MED9: variants seen among roughly 807,000 people sequenced by gnomAD.
MED9 encodes the protein mediator of RNA polymerase II transcription subunit 9.
Under a neutral mutation model 13.2 loss-of-function variants are expected in MED9, and 8 were observed. That is an observed-to-expected ratio of 0.61 (90% CI 0.36 to 1.10). The LOEUF (loss-of-function observed/expected upper bound fraction) is 1.10, where lower values mean the gene tolerates loss of function less well. MED9 is among the 50% of genes least tolerant of loss of function. MED9 has a pLI of 0.02. For missense variants in MED9, 180 were observed against 193.4 expected, an observed-to-expected ratio of 0.93 and a Z score of 0.41; for synonymous variants, 87 against 82.8, an observed-to-expected ratio of 1.05 and a Z score of -0.28.
In MED9 at chr17:17,477,163, C is replaced by A; in HGVS notation, c.122C>A (p.Pro41His). The change falls in exon 1 of 2, where the codon CCT (proline) becomes CAT (histidine). Residue 41 changes from proline (P) to histidine (H), a missense_variant. By Grantham distance (77) the Pro-to-His change is moderately conservative. Coordinates refer to ENST00000268711, the MANE Select transcript of MED9 (RefSeq NM_018019.3). ...PPPQPPPVPA[P>H]QPQQSPAPRP... ...CCTCAGCCGCCGCCGGTCCCTGCGC[C>A]TCAACCGCAGCAGTCGCCGGCGCCA... 6.2e-7 allele frequency: 1 copy of A among 1,609,928 alleles called. No individual in the cohort carries two copies.
At position 17,491,747 on chromosome 17, in the gene MED9, TC is replaced by T. The variant is rs1905235511; in HGVS notation, c.*253del. 2.1e-6 allele frequency: 1 copy of T among 485,218 alleles called. No individual in the cohort carries two copies. Among genetic ancestry groups the T allele is most frequent in the South Asian group, 2.1e-5 (1 of 47,554 alleles). The allele number at this position is 485,218 out of a possible 1,614,324, so 30.1% of individuals were successfully genotyped here. On this transcript the variant is annotated 3_prime_UTR_variant, in exon 2 of 2. Transcript: ENST00000268711. The stretch of plus-strand genomic sequence containing the variant: ...TAACTGGAGTGCCTGCTGGTGGAAG[TC>T]AGAATGCTCCTGGAGGCTGCAGAGG...
chr17:17,488,850 AAG>A (rs1233167470), intron 1 of MED9, among the ~76,000 whole-genome samples: 1 of 152,112 alleles, frequency 6.6e-6, no homozygotes, highest in Non-Finnish European at 1.5e-5. Flanking sequence ...AAAAGAAAAA[AAG>A]AAACCACAGT....
rs1905270118 is a variant in MED9 at position 17,492,977 on chromosome 17, G to C, written c.*1482G>C. 6.6e-6 allele frequency: 1 copy of C among 152,222 alleles called. No homozygotes were observed. The highest frequency in any genetic ancestry group is 2.4e-5 in the African/African-American group (1 of 41,452). The allele number at this position is 152,222 out of a possible 1,614,324, so 9.4% of individuals were successfully genotyped here. On this transcript the variant is annotated 3_prime_UTR_variant, in exon 2 of 2. Transcript: ENST00000268711. ...TCTACCTTGGGACTGTTATTTAACT[G>C]AATCAGTTATTTCCTTGAAATTTCA... is the stretch of plus-strand genomic sequence containing the variant.
intron 1 of MED9, chr17:17,486,467 GC>G: frequency 6.5e-6 from 1 of 153,314 alleles, no homozygotes; most frequent in Non-Finnish European, 1.5e-5. Context: ...AGCTCTGCTG[GC>G]CCCGTGCAAT....
chr17:17,485,468 G>A (rs1310375886), intron 1 of MED9: 3 of 387,452 alleles, frequency 7.7e-6, no homozygotes, highest in East Asian at 7.3e-5. Context: ...AAGAGGGGAG[G>A]ACCTGGGTCC....
chr17:17,491,388 G>C lies in MED9; in HGVS notation c.334G>C (p.Glu112Gln). 1 of 1,614,018 alleles carries C rather than the reference G, an allele frequency of 6.2e-7. No individual in the cohort carries two copies. Among genetic ancestry groups the C allele is most frequent in the Non-Finnish European group, 8.5e-7 (1 of 1,180,042 alleles). ...STMPGIHLSP[E>Q]QQQQQLQSLR... ...CATGCCCGGCATCCACCTGAGCCCCGAACAGCAGCAGCAGCAGCTGCAGAG... is the reference window on the plus strand; with the variant it reads ...CATGCCCGGCATCCACCTGAGCCCCCAACAGCAGCAGCAGCAGCTGCAGAG... Residue 112 changes from glutamate (E) to glutamine (Q), a missense_variant, in exon 2 of 2, where the codon GAA becomes CAA. Transcript: ENST00000268711.
At chr17:17,477,414 C>G in intron 1 of MED9, 149 bp downstream of exon 1, 1 of 827,328 alleles carries the variant, frequency 1.2e-6, no homozygotes, top group Non-Finnish European at 1.8e-6. Context: ...AGGCCTTTCC[C>G]AAGACCACAG....
intron 1 of MED9, among the ~76,000 whole-genome samples, chr17:17,484,527 C>T (rs1242517): frequency 0.56 from 85,490 of 152,210 alleles, 26,912 homozygotes; most frequent in Non-Finnish European, 0.73. Flanking sequence ...GACCCGTTCC[C>T]GGGTTGTGCA....
chr17:17,488,129 C>G (rs8072971), intron 1 of MED9: 129,082 of 152,266 alleles, frequency 0.85, 55,097 homozygotes, highest in African/African-American at 0.9. Context: ...GAGTTAGTAC[C>G]GTGCGAGGAG....
Position 17,492,732 on chromosome 17 carries a change from AG to A in MED9, c.*1241del, listed in dbSNP as rs1329996920. On this transcript the variant is annotated 3_prime_UTR_variant, in exon 2 of 2. Transcript: ENST00000268711. ...GCGCATAACCTGCGCTGACCAGTTT[AG>A]GGGCTTAGCAGATGCCTGCCAGCTG... The A allele has an allele frequency of 1.3e-5, 2 of 152,308 alleles. No homozygotes were observed. Among genetic ancestry groups the A allele is most frequent in the Admixed American group, 1.3e-4 (2 of 15,290 alleles). 9.4% of individuals were successfully genotyped at this position (152,308 alleles called of 1,614,324 possible).
At chr17:17,485,336 C>T in intron 1 of MED9, 1 of 398,578 alleles carries the variant, frequency 2.5e-6, no homozygotes, top group Non-Finnish European at 4.4e-6. Flanking sequence ...CTGCTGACTT[C>T]AGCCTCCCAA....
intron 1 of MED9, among the ~76,000 whole-genome samples, chr17:17,480,896 G>A (rs1173028252): frequency 6.6e-6 from 1 of 152,214 alleles, no homozygotes; most frequent in Non-Finnish European, 1.5e-5. Context: ...GAGACCTCGT[G>A]AAGCCTGGGG....
In MED9 at chr17:17,483,963, G is replaced by A. The variant is rs2142472535; in HGVS notation, c.224+6698G>A. Reference sequence around the variant, plus strand: ...AAAAAAAAAAAAGAATGAGGAAAGGGAAAAGAAATCCCATTTTCATGCCTA... The same window carrying A: ...AAAAAAAAAAAAGAATGAGGAAAGGAAAAAGAAATCCCATTTTCATGCCTA... On this transcript the variant is annotated intron_variant, in intron 1 of 1. Transcript: ENST00000268711. This position sits in a 1 kb window ranked among gnomAD's most constrained non-coding sequence, Gnocchi z 4.2. 1.3e-5 allele frequency among the ~76,000 whole-genome samples: 2 copies of A among 151,976 alleles called. No individual in the cohort carries two copies. The highest frequency in any genetic ancestry group is 4.2e-4 in the South Asian group (2 of 4,806).
chr17:17,478,377 T>G (rs1296657662), intron 1 of MED9, among the ~76,000 whole-genome samples: 2 of 152,226 alleles, frequency 1.3e-5, no homozygotes, highest in Non-Finnish European at 2.9e-5. Flanking sequence ...CTTCACTGTT[T>G]TACTGAAATG....
intron 1 of MED9, among the ~76,000 whole-genome samples, chr17:17,489,562 C>T (rs1301390246): frequency 1.3e-5 from 2 of 152,082 alleles, no homozygotes; most frequent in Non-Finnish European, 2.9e-5. Context: ...GCATGCCATC[C>T]GAGTAGAAGG....
At chr17:17,481,696 G>A (rs991338839) in intron 1 of MED9, among the ~76,000 whole-genome samples, 1 of 152,190 alleles carries the variant, frequency 6.6e-6, no homozygotes, top group African/African-American at 2.4e-5. Context: ...GATGGAACTG[G>A]TTTTCTGTTG....
intron 1 of MED9, 64 bp downstream of exon 1, chr17:17,477,329 A>G: frequency 6.7e-7 from 1 of 1,485,312 alleles, no homozygotes; most frequent in African/African-American, 1.4e-5. Context: ...GCCGTTTCAG[A>G]GCTGCAAGAG....
In MED9 at chr17:17,493,138, C is replaced by T. The variant is rs574318104; in HGVS notation, c.*1643C>T. On this transcript the variant is annotated 3_prime_UTR_variant, in exon 2 of 2. Coordinates refer to ENST00000268711, the MANE Select transcript of MED9 (RefSeq NM_018019.3). Reference sequence around the variant, plus strand: ...GGCTCCTCACGGGGGTGGAGGGAGCCGGAGCCTGCCTTGTGTTCCTTTTTT... The same window carrying T: ...GGCTCCTCACGGGGGTGGAGGGAGCTGGAGCCTGCCTTGTGTTCCTTTTTT... 3 of 152,244 alleles carry T rather than the reference C, an allele frequency of 2.0e-5. No individual in the cohort carries two copies. Among genetic ancestry groups the T allele is most frequent in the Non-Finnish European group, 2.9e-5 (2 of 68,012 alleles). 9.4% of individuals were successfully genotyped at this position (152,244 alleles called of 1,614,324 possible). A position where few individuals can be genotyped will look rare whatever the true frequency, so the allele number is the denominator to read the frequency against.
At chr17:17,485,768 G>A (rs762980886) in intron 1 of MED9, 31 of 163,952 alleles carry the variant, frequency 1.9e-4, no homozygotes, top group Non-Finnish European at 3.3e-4. Flanking sequence ...TCGAGGGTTC[G>A]GGAGTGGATG....
Sources: allele counts gnomAD v4.1 joint callset (sites outside exome capture counted in the v4.1 genomes callset), GRCh38; gene constraint gnomAD v4.1.1; non-coding constraint Gnocchi (gnomAD v3.1); transcripts MANE v1.5; gene names NCBI Gene and HGNC (gene_info 2026-07-23, HGNC 2026-07-21).